NCALD: variants seen among roughly 807,000 people sequenced by gnomAD.
The protein encoded by NCALD is neurocalcin-delta.
In NCALD, 10 loss-of-function variants were observed where a neutral mutation model predicts 18.6. The ratio of observed to expected loss-of-function variants is 0.54; its 90% CI spans 0.33 to 0.91. The LOEUF (loss-of-function observed/expected upper bound fraction) is 0.91, where lower values mean the gene tolerates loss of function less well. NCALD is among the 40% of genes least tolerant of loss of function. NCALD has a pLI of 0.03. For synonymous variants in NCALD, 88 were observed against 87.4 expected (o/e 1.01, Z -0.04); for missense variants, 184 against 247.6 (o/e 0.74, Z 1.72).
rs117040458 is a variant in NCALD at position 101,952,117 on chromosome 8, G to C, written c.-156-36259C>G. ...TGGAAGATGCCGGGCAGGAGGGCAA[G>C]TGGGAACCGACTGCTGAGTGTATCT... On this transcript the variant is annotated intron_variant, in intron 2 of 6. Transcript: ENST00000311028. Among the ~76,000 whole-genome samples, 944 of 152,334 alleles carry C rather than the reference G, an allele frequency of 6.2e-3. 6 individuals are homozygous for C. Among genetic ancestry groups the C allele is most frequent in the Non-Finnish European group, 6.3e-3 (430 of 68,018 alleles).
chr8:101,881,790 T>C (rs956929626), intron 4 of NCALD, among the ~76,000 whole-genome samples: 1 of 152,236 alleles, frequency 6.6e-6, no homozygotes, highest in Non-Finnish European at 1.5e-5. Context: ...AGTAAATATC[T>C]AATTATTTCA....
intron 1 of NCALD, among the ~76,000 whole-genome samples, chr8:102,036,057 G>C (rs1358944869): frequency 6.6e-6 from 1 of 152,012 alleles, no homozygotes; most frequent in Non-Finnish European, 1.5e-5. Context: ...GGGAGGCTAA[G>C]GTAGGAGGAC....
At chr8:101,897,258 T>C (rs1437371434) in intron 3 of NCALD, among the ~76,000 whole-genome samples, 1 of 148,472 alleles carries the variant, frequency 6.7e-6, no homozygotes, top group Non-Finnish European at 1.5e-5. Context: ...CAGTAAACTA[T>C]CGCAAGAACA....
At chr8:101,709,132 C>G (rs1159890028) in intron 2 of NCALD, among the ~76,000 whole-genome samples, 3 of 152,134 alleles carry the variant, frequency 2.0e-5, no homozygotes, top group African/African-American at 7.2e-5. Flanking sequence ...GCTCACAGGC[C>G]CCATTACAGA....
intron 3 of NCALD, among the ~76,000 whole-genome samples, chr8:101,915,109 T>A (rs1817928573): frequency 6.6e-6 from 1 of 152,174 alleles, no homozygotes; most frequent in Admixed American, 6.5e-5. Context: ...AACAACAAAA[T>A]ATGGTATTAG....
intron 4 of NCALD, among the ~76,000 whole-genome samples, chr8:101,825,567 G>T (rs1431482448): frequency 1.3e-5 from 2 of 152,198 alleles, no homozygotes; most frequent in Admixed American, 1.3e-4. Context: ...CAGAAATCAT[G>T]TTGGGCCTCC....
intron 4 of NCALD, among the ~76,000 whole-genome samples, chr8:101,865,419 A>T (rs1342933716): frequency 6.6e-6 from 1 of 152,122 alleles, no homozygotes; most frequent in Admixed American, 6.5e-5. Flanking sequence ...TGTTTTCTCT[A>T]ATCAGTCCTT....
intron 1 of NCALD, among the ~76,000 whole-genome samples, chr8:102,119,750 C>G (rs981070704): frequency 9.2e-5 from 14 of 152,202 alleles, no homozygotes; most frequent in African/African-American, 3.4e-4. Flanking sequence ...TCTAGTCAAT[C>G]CCTTCCCTAA....
intron 3 of NCALD, among the ~76,000 whole-genome samples, chr8:101,915,051 T>A (rs1817927591): frequency 6.6e-6 from 1 of 152,248 alleles, no homozygotes; most frequent in Non-Finnish European, 1.5e-5. Context: ...GTCACTCTTT[T>A]AAGCACTTTG....
At chr8:101,724,392 G>A (rs1816485998) in intron 1 of NCALD, among the ~76,000 whole-genome samples, 1 of 152,214 alleles carries the variant, frequency 6.6e-6, no homozygotes, top group South Asian at 2.1e-4. Context: ...TGGATGTCCT[G>A]TTGGATGAAC....
chr8:102,106,818 A>G (rs1182832716), intron 1 of NCALD, among the ~76,000 whole-genome samples: 2 of 152,160 alleles, frequency 1.3e-5, no homozygotes, highest in Non-Finnish European at 2.9e-5. Flanking sequence ...GAGAGTTTCT[A>G]TAGACCATTC....
At chr8:102,046,980 C>T (rs1317275813) in intron 1 of NCALD, among the ~76,000 whole-genome samples, 2 of 152,162 alleles carry the variant, frequency 1.3e-5, no homozygotes, top group Non-Finnish European at 2.9e-5. Context: ...TCCCATTCTC[C>T]ACGCTCAAAT....
chr8:101,882,551 T>C (rs1023671738), intron 4 of NCALD, among the ~76,000 whole-genome samples: 1 of 152,216 alleles, frequency 6.6e-6, no homozygotes, highest in African/African-American at 2.4e-5. Context: ...GTTTATGATA[T>C]TTTGTTATAG....
chr8:101,779,167 A>C (rs74490451), intron 1 of NCALD, among the ~76,000 whole-genome samples: 4,185 of 152,286 alleles, frequency 0.027, 95 homozygotes, highest in Middle Eastern at 0.048. Flanking sequence ...TATTTTGAAA[A>C]AAATTAAAAA....
chr8:101,833,596 GTTT>G (rs1196138684), intron 4 of NCALD, among the ~76,000 whole-genome samples: 3 of 100,108 alleles, frequency 3.0e-5, no homozygotes, highest in Admixed American at 2.0e-4. Context: ...TGAAATTACT[GTTT>G]TTTGTTTCTT....
intron 2 of NCALD, among the ~76,000 whole-genome samples, chr8:101,695,495 T>A (rs1814948904): frequency 1.3e-5 from 2 of 152,170 alleles, no homozygotes. Flanking sequence ...GATACGCTCC[T>A]TGGTGTCCTG....
At chr8:102,065,256 C>CTT (rs35518167) in intron 1 of NCALD, among the ~76,000 whole-genome samples, 1 of 148,892 alleles carries the variant, frequency 6.7e-6, no homozygotes, top group Non-Finnish European at 1.5e-5. Flanking sequence ...AGTGAAGGCT[C>CTT]TTTTTTTTTT....
intron 2 of NCALD, among the ~76,000 whole-genome samples, chr8:102,017,143 G>A (rs1822110961): frequency 6.6e-6 from 1 of 152,078 alleles, no homozygotes; most frequent in South Asian, 2.1e-4. Context: ...GGTCTAATAT[G>A]CGTATAATTG....
intron 2 of NCALD, among the ~76,000 whole-genome samples, chr8:102,015,201 A>AT (rs561417198): frequency 1.4e-3 from 217 of 151,488 alleles, no homozygotes; most frequent in African/African-American, 4.2e-3. Context: ...TCATTTTTGT[A>AT]TTTTTTTTCA....
Sources: allele counts gnomAD v4.1 joint callset (sites outside exome capture counted in the v4.1 genomes callset), GRCh38; gene constraint gnomAD v4.1.1; transcripts MANE v1.5; gene names NCBI Gene and HGNC (gene_info 2026-07-23, HGNC 2026-07-21).